ALMS1: variants seen among roughly 807,000 people sequenced by gnomAD.
ALMS1 encodes the protein ALMS1 centrosome and basal body associated protein, also known as centrosome-associated protein ALMS1.
Under a neutral mutation model 352.2 loss-of-function variants are expected in ALMS1, and 271 were observed. The observed-to-expected ratio is 0.77, with a 90% CI of 0.70 to 0.85. ALMS1 has a LOEUF of 0.85. Ranked by LOEUF, ALMS1 falls within the 40% of genes least tolerant of loss-of-function variation. ALMS1 has a pLI of 0.00. For missense variants in ALMS1, 5,445 were observed against 4,870.7 expected, an observed-to-expected ratio of 1.12 and a Z score of -3.51; for synonymous variants, 1,865 against 1,761.2, an observed-to-expected ratio of 1.06 and a Z score of -1.48.
chr2:73,553,227 C>T (rs1674474592), intron 13 of ALMS1, among the ~76,000 whole-genome samples: 1 of 151,910 alleles, frequency 6.6e-6, no homozygotes, highest in Non-Finnish European at 1.5e-5. Flanking sequence ...GAGTTAGAAA[C>T]CAAAGGAGTA....
chr2:73,419,422 A>G, intron 3 of ALMS1, 104 bp downstream of exon 3: 1 of 1,065,694 alleles, frequency 9.4e-7, no homozygotes, highest in Non-Finnish European at 1.4e-6. Flanking sequence ...GGAGCTCTGT[A>G]GAGACCTACT....
chr2:73,445,479 A>ACT (rs1671793091), intron 7 of ALMS1, among the ~76,000 whole-genome samples: 1 of 152,060 alleles, frequency 6.6e-6, no homozygotes. Context: ...TAGTATTAAA[A>ACT]CCCATAATAA....
At chr2:73,550,562 T>A in intron 13 of ALMS1, 125 bp downstream of exon 13, 1 of 1,274,212 alleles carries the variant, frequency 7.8e-7, no homozygotes, top group Non-Finnish European at 1.1e-6. Flanking sequence ...TGCTGTTATA[T>A]TGAGCATATA....
At chr2:73,521,247 A>G (rs1010198891) in intron 11 of ALMS1, among the ~76,000 whole-genome samples, 3 of 152,204 alleles carry the variant, frequency 2.0e-5, no homozygotes, top group African/African-American at 4.8e-5. Flanking sequence ...AAAAATCTCT[A>G]TGGTTTATAA....
intron 9 of ALMS1, among the ~76,000 whole-genome samples, chr2:73,474,516 C>T (rs1322323090): frequency 1.3e-5 from 2 of 151,720 alleles, no homozygotes; most frequent in Non-Finnish European, 2.9e-5. Flanking sequence ...GCTCAGTCAC[C>T]GAGGCTGGAG....
chr2:73,574,615 G>A (rs1675014161), intron 16 of ALMS1, among the ~76,000 whole-genome samples: 1 of 152,086 alleles, frequency 6.6e-6, no homozygotes, highest in African/African-American at 2.4e-5. Context: ...TCCTCATTGA[G>A]CTTTTGGCAG....
In ALMS1 at chr2:73,465,499, A is replaced by G. The variant is rs543408837; in HGVS notation, c.7674+10204A>G. ...TACAAAAATTAATTCAAGATGGATT[A>G]AAGACTTACATGTTAGTCCGAAAAC... On this transcript the variant is annotated intron_variant, in intron 9 of 22. Coordinates refer to ENST00000613296, the MANE Select transcript of ALMS1 (RefSeq NM_001378454.1). 2.6e-5 allele frequency among the ~76,000 whole-genome samples: 4 copies of G among 152,360 alleles called. No homozygotes were observed. In the East Asian group the frequency reaches 7.7e-4, roughly 29 times the overall value.
chr2:73,593,190 GGAA>G (rs1675468314), intron 16 of ALMS1, among the ~76,000 whole-genome samples: 1 of 129,344 alleles, frequency 7.7e-6, no homozygotes, highest in African/African-American at 3.2e-5. Flanking sequence ...AATGGATTCA[GGAA>G]AAAAAAAAAA....
chr2:73,514,980 G>A (rs1447938708), intron 10 of ALMS1, among the ~76,000 whole-genome samples: 1 of 152,022 alleles, frequency 6.6e-6, no homozygotes, highest in African/African-American at 2.4e-5. Flanking sequence ...AGTAGATTAA[G>A]TCTTCTACCT....
chr2:73,477,887 G>A (rs1672614741), intron 9 of ALMS1, among the ~76,000 whole-genome samples: 1 of 152,064 alleles, frequency 6.6e-6, no homozygotes, highest in South Asian at 2.1e-4. Context: ...GGGATTTCCT[G>A]TATGAAGTTC....
At chr2:73,455,095 G>A in intron 8 of ALMS1, 67 bp from the exon 9 acceptor site, 2 of 1,535,094 alleles carry the variant, frequency 1.3e-6, no homozygotes, top group Non-Finnish European at 1.8e-6. Flanking sequence ...ATGATCTTCT[G>A]TGTTGCAATT....
rs116429108 is a variant in ALMS1, at chr2:73,443,497, G to A, written c.1433-4463G>A. ...GTTCACCATGACTCTTTAAGAAAGA[G>A]CCAGATACTCCTTACATATGTTGCT... On this transcript the variant is annotated intron_variant, in intron 7 of 22. Coordinates refer to ENST00000613296, the MANE Select transcript of ALMS1 (RefSeq NM_001378454.1). Among the ~76,000 whole-genome samples, 1,275 of 152,244 alleles carry A rather than the reference G, an allele frequency of 8.4e-3. 16 individuals carry two copies. The highest frequency in any genetic ancestry group is 0.027 in the African/African-American group (1,127 of 41,558).
chr2:73,418,047 A>C (rs1186997753), intron 2 of ALMS1, among the ~76,000 whole-genome samples: 2 of 152,198 alleles, frequency 1.3e-5, no homozygotes, highest in Non-Finnish European at 2.9e-5. Context: ...CCTAGAAATC[A>C]AACATTTGGG....
At chr2:73,404,507 G>A (rs1482660532) in intron 1 of ALMS1, among the ~76,000 whole-genome samples, 1 of 150,756 alleles carries the variant, frequency 6.6e-6, no homozygotes, top group Non-Finnish European at 1.5e-5. Flanking sequence ...GTTGAATTTT[G>A]TGAAGTGCTA....
At chr2:73,527,680 C>T (rs557938461) in intron 11 of ALMS1, among the ~76,000 whole-genome samples, 4 of 151,932 alleles carry the variant, frequency 2.6e-5, no homozygotes, top group African/African-American at 9.6e-5. Context: ...AAAGGTTTGT[C>T]GATTTTGTTT....
At position 73,451,404 on chromosome 2, in the gene ALMS1, C is replaced by G; in HGVS notation, c.4877C>G (p.Thr1626Ser). 2 of 1,613,402 alleles carry G rather than the reference C, an allele frequency of 1.2e-6. No individual in the cohort carries two copies. Among genetic ancestry groups the G allele is most frequent in the Non-Finnish European group, 1.7e-6 (2 of 1,179,832 alleles). ...GSSALGEKPI[T>S]FYRQALLDSP... ...AGTGCACTTGGAGAGAAGCCCATTA[C>G]TTTCTACCGGCAGGCTCTGCTAGAC... Residue 1626 changes from threonine to serine, a missense_variant, in exon 8 of 23, where the codon ACT becomes AGT. Thr to Ser is a moderately conservative substitution (Grantham distance 58). Transcript: ENST00000613296.
chr2:73,385,769 A>G (rs1574423410), upstream of ALMS1: 3 of 574,496 alleles, frequency 5.2e-6, no homozygotes, highest in Non-Finnish European at 6.1e-6. Context: ...GGCGGGCGGC[A>G]CTGCGCCTAA....
At position 73,572,864 on chromosome 2, in the gene ALMS1, T is replaced by G. The variant is rs748921342; in HGVS notation, c.10987T>G (p.Trp3663Gly). 1.9e-6 allele frequency: 3 copies of G among 1,613,954 alleles called. No homozygotes were observed. Among genetic ancestry groups the G allele is most frequent in the Admixed American group, 1.7e-5 (1 of 59,988 alleles). The change falls in exon 16 of 23, where the codon TGG becomes GGG. Residue 3663 changes from tryptophan (W) to glycine (G), a missense_variant. Physicochemically the swap from Trp to Gly is radical, Grantham distance 184. Coordinates refer to ENST00000613296, the MANE Select transcript of ALMS1 (RefSeq NM_001378454.1). The stretch of plus-strand genomic sequence containing the variant: ...CAGAGGGGAACGAAGTGTGAAGGAA[T>G]GGAGTGGTAGACAACAGCAGAGAAA... ...DSRGERSVKE[W>G]SGRQQQRNKL... is the part of the protein sequence containing the mutation.
chr2:73,442,986 T>C (rs1671746636), intron 7 of ALMS1, among the ~76,000 whole-genome samples: 1 of 152,220 alleles, frequency 6.6e-6, no homozygotes, highest in Non-Finnish European at 1.5e-5. Flanking sequence ...TTAGCCAAGC[T>C]AGAAACTTGT....
Sources: allele counts gnomAD v4.1 joint callset (sites outside exome capture counted in the v4.1 genomes callset), GRCh38; gene constraint gnomAD v4.1.1; transcripts MANE v1.5; gene names NCBI Gene and HGNC (gene_info 2026-07-23, HGNC 2026-07-21).